Variants in HERC1 observed in about 807,000 individuals in gnomAD.
The protein encoded by HERC1 is probable E3 ubiquitin-protein ligase HERC1.
Under a neutral mutation model 554.3 loss-of-function variants are expected in HERC1, and 160 were observed. That is an observed-to-expected ratio of 0.29 (90% CI 0.25 to 0.33). HERC1 has a LOEUF of 0.33. Ranked by LOEUF, HERC1 falls within the 10% of genes least tolerant of loss-of-function variation. The pLI is 1.00. For missense variants in HERC1, 4,919 were observed against 5,918.5 expected (o/e 0.83, Z 5.54); for synonymous variants, 2,175 against 2,131.7 (o/e 1.02, Z -0.56).
Position 63,755,324 on chromosome 15 carries a change from A to G in HERC1, c.1535T>C (p.Val512Ala), listed in dbSNP as rs370073027. The G allele has an allele frequency of 2.4e-4, 389 of 1,610,516 alleles. 8 individuals are homozygous for G. In the South Asian group the frequency reaches 3.4e-3, roughly 14 times the overall value. The change falls in exon 6 of 78, where the codon GTA (valine) becomes GCA (alanine). Residue 512 changes from valine to alanine, a missense_variant and splice_region_variant. Around this residue, in one of 11 missense-constraint regions of HERC1, gnomAD observed 744 missense variants for 1,090.0 expected, o/e 0.68. Coordinates refer to ENST00000443617, the MANE Select transcript of HERC1 (RefSeq NM_003922.4). The part of the protein sequence containing the change: ...KLIQGPLQGK[V>A]VVCVSAGYRH... ...GTATCCAGCTGACACACAAACAACTACCTGCATTGCACACAAGTAAATACG... is the reference window on the plus strand; with the variant it reads ...GTATCCAGCTGACACACAAACAACTGCCTGCATTGCACACAAGTAAATACG...
intron 21 of HERC1, among the ~76,000 whole-genome samples, chr15:63,717,446 A>T (rs2073608010): frequency 6.6e-6 from 1 of 152,228 alleles, no homozygotes; most frequent in Non-Finnish European, 1.5e-5. Flanking sequence ...TACAAAGATA[A>T]TGTTTTATTA....
At chr15:63,795,065 CAAAAAA>C (rs1177647525) in intron 1 of HERC1, among the ~76,000 whole-genome samples, 3 of 68,934 alleles carry the variant, frequency 4.4e-5, no homozygotes, top group African/African-American at 1.3e-4. Context: ...GACTCTGTCT[CAAAAAA>C]AAAAAAAAAA....
chr15:63,696,449 G>T (rs1033500179), intron 26 of HERC1, 110 bp from the exon 27 acceptor site: 2 of 700,096 alleles, frequency 2.9e-6, no homozygotes, highest in Non-Finnish European at 4.9e-6. Context: ...CATTTCATAT[G>T]AATCTATTCT....
At position 63,727,563 on chromosome 15, in the gene HERC1, C is replaced by T. The variant is rs544954751; in HGVS notation, c.3346+84G>A. The T allele has an allele frequency of 2.7e-5, 26 of 951,058 alleles. No homozygotes were observed. The African/African-American group carries it at 3.8e-4, about 14-fold the overall frequency. The allele number at this position is 951,058 out of a possible 1,614,324, so 58.9% of individuals were successfully genotyped here. On this transcript the variant is annotated intron_variant, in intron 17 of 77. Coordinates refer to ENST00000443617, the MANE Select transcript of HERC1 (RefSeq NM_003922.4). This position sits in a 1 kb window ranked among gnomAD's most constrained non-coding sequence, Gnocchi z 4.3. The stretch of plus-strand genomic sequence containing the variant: ...CTTTGATAGCCTTAGGATAGATAGA[C>T]TCCAATGGAAAAACACAGTGATGTG...
intron 1 of HERC1, among the ~76,000 whole-genome samples, chr15:63,830,633 G>A (rs564675188): frequency 2.0e-5 from 3 of 152,314 alleles, no homozygotes; most frequent in African/African-American, 7.2e-5. Context: ...TTATGGTTAT[G>A]TAAGTTGTTA....
chr15:63,795,242 T>C (rs1463180958), intron 1 of HERC1, among the ~76,000 whole-genome samples: 1 of 152,104 alleles, frequency 6.6e-6, no homozygotes, highest in African/African-American at 2.4e-5. Flanking sequence ...TTGTCTTAGT[T>C]ACTAAAGCTT....
intron 26 of HERC1, among the ~76,000 whole-genome samples, chr15:63,696,933 TAA>T (rs10546655): frequency 0.13 from 18,406 of 136,408 alleles, 1,219 homozygotes; most frequent in Middle Eastern, 0.18. Flanking sequence ...CCTTCTTCTT[TAA>T]AAAAAAAAAA....
rs546895057 is a variant in HERC1, at chr15:63,692,827, G to A, written c.5675-261C>T. On this transcript the variant is annotated intron_variant, in intron 30 of 77. Coordinates refer to ENST00000443617, the MANE Select transcript of HERC1 (RefSeq NM_003922.4). The surrounding 1 kb of genome is among the most constrained non-coding windows in gnomAD (Gnocchi z 4.7). The stretch of plus-strand genomic sequence containing the variant: ...TGACTAAGTATAATAAAGAATTATT[G>A]GTGACTAGAGAACAGAACAGTCTAG... Among the ~76,000 whole-genome samples, 1 of 152,164 alleles carries A rather than the reference G, an allele frequency of 6.6e-6. No homozygotes were observed. The highest frequency in any genetic ancestry group is 2.1e-4 in the South Asian group (1 of 4,816).
At chr15:63,676,698 G>C (rs1425238544) in intron 37 of HERC1, among the ~76,000 whole-genome samples, 3 of 152,204 alleles carry the variant, frequency 2.0e-5, no homozygotes, top group Non-Finnish European at 4.4e-5. Flanking sequence ...AGAAGTTGCA[G>C]TGAGCCAAGA....
chr15:63,685,011 C>A (rs1414938528), intron 34 of HERC1, among the ~76,000 whole-genome samples: 3 of 152,076 alleles, frequency 2.0e-5, no homozygotes, highest in Non-Finnish European at 4.4e-5. Flanking sequence ...TCCGTCTCAA[C>A]CAAAAACACA....
intron 63 of HERC1, among the ~76,000 whole-genome samples, 189 bp downstream of exon 63, chr15:63,638,222 T>C (rs1427818445): frequency 6.6e-6 from 1 of 152,128 alleles, no homozygotes; most frequent in East Asian, 1.9e-4. Context: ...ATTTAGAAAT[T>C]TGTTAACTTC....
At chr15:63,704,458 G>T (rs2072894677) in intron 25 of HERC1, among the ~76,000 whole-genome samples, 1 of 152,086 alleles carries the variant, frequency 6.6e-6, no homozygotes, top group Non-Finnish European at 1.5e-5. Flanking sequence ...AACTAATATA[G>T]TATAAACTAT....
intron 54 of HERC1, among the ~76,000 whole-genome samples, chr15:63,649,100 A>C (rs1181052779): frequency 6.6e-6 from 1 of 152,210 alleles, no homozygotes; most frequent in Non-Finnish European, 1.5e-5. Flanking sequence ...CACGCCTGTA[A>C]TCCCAGGACT....
rs2072172525 is a variant in HERC1 at position 63,692,623 on chromosome 15, T to C, written c.5675-57A>G. 8 of 1,424,148 alleles carry C rather than the reference T, an allele frequency of 5.6e-6. No individual in the cohort carries two copies. The highest frequency in any genetic ancestry group is 1.4e-5 in the African/African-American group (1 of 69,630). The allele number at this position is 1,424,148 out of a possible 1,614,324, so 88.2% of individuals were successfully genotyped here. The stretch of plus-strand genomic sequence containing the variant: ...CAAGAGCCAACAAGAAATAGTCTTA[T>C]ATCACATAATTTACCTTGAAACTGC... On this transcript the variant is annotated intron_variant, in intron 30 of 77. Coordinates refer to ENST00000443617, the MANE Select transcript of HERC1 (RefSeq NM_003922.4). This position sits in a 1 kb window ranked among gnomAD's most constrained non-coding sequence, Gnocchi z 4.7.
At chr15:63,645,772 C>A (rs1404355297) in intron 55 of HERC1, 90 bp from the exon 56 acceptor site, 3 of 736,730 alleles carry the variant, frequency 4.1e-6, no homozygotes, top group Non-Finnish European at 6.5e-6. Context: ...TATTTCTTAG[C>A]ATCTATATTT....
chr15:63,701,767 C>CT lies in HERC1; in HGVS notation c.4637-2772dup, dbSNP rs1396908110. ...AATATTTAGTTTGACATCAAAAAGA[C>CT]TTAAAACACAAAAATTTATAATATG... On this transcript the variant is annotated intron_variant, in intron 25 of 77. Coordinates refer to ENST00000443617, the MANE Select transcript of HERC1 (RefSeq NM_003922.4). Among the ~76,000 whole-genome samples the CT allele has an allele frequency of 7.4e-3, 1,130 of 151,878 alleles. 13 individuals are homozygous for CT. The highest frequency in any genetic ancestry group is 0.026 in the African/African-American group (1,088 of 41,458).
At chr15:63,616,710 C>A in intron 74 of HERC1, 28 bp from the exon 75 acceptor site, 1 of 1,601,092 alleles carries the variant, frequency 6.2e-7, no homozygotes, top group Non-Finnish European at 8.5e-7. Context: ...ATATTTCAAA[C>A]AGCATTTTCC....
At chr15:63,721,490 C>T (rs2073819219) in intron 19 of HERC1, among the ~76,000 whole-genome samples, 2 of 152,192 alleles carry the variant, frequency 1.3e-5, no homozygotes, top group South Asian at 4.1e-4. Context: ...CACGCCACTG[C>T]ACTCCAGCCT....
At chr15:63,821,921 T>C (rs1280903097) in intron 1 of HERC1, among the ~76,000 whole-genome samples, 7 of 151,896 alleles carry the variant, frequency 4.6e-5, no homozygotes, top group Admixed American at 1.3e-4. Context: ...AATAACCAGG[T>C]AGGCAAGTAA....
Sources: allele counts gnomAD v4.1 joint callset (sites outside exome capture counted in the v4.1 genomes callset), GRCh38; gene constraint gnomAD v4.1.1; regional missense constraint gnomAD v4.1.1; non-coding constraint Gnocchi (gnomAD v3.1); transcripts MANE v1.5; gene names NCBI Gene and HGNC (gene_info 2026-07-23, HGNC 2026-07-21).